The following CERK variants were observed in gnomAD, a reference collection of about 807,000 sequenced individuals.
CERK encodes the protein ceramide kinase.
CERK carries 39 observed loss-of-function variants against 63.4 expected under a neutral mutation model. That is an observed-to-expected ratio of 0.61 (90% CI 0.48 to 0.80). The LOEUF (loss-of-function observed/expected upper bound fraction) is 0.80. Among genes scored for constraint, CERK ranks in the 30% least tolerant of loss-of-function variants. CERK has a pLI of 0.00. For synonymous variants in CERK, 302 were observed against 280.0 expected (o/e 1.08, Z -0.78); for missense variants, 670 against 714.1 (o/e 0.94, Z 0.70).
intron 1 of CERK, among the ~76,000 whole-genome samples, chr22:46,733,039 T>A (rs1217746230): frequency 6.6e-6 from 1 of 151,506 alleles, no homozygotes; most frequent in African/African-American, 2.4e-5. Flanking sequence ...AAACCCCATC[T>A]CTTCTAAAAA....
rs1225669275 is a variant in CERK, at chr22:46,684,679, C to A, written c.*2455G>T. The A allele has an allele frequency of 6.6e-6, 1 of 151,890 alleles. No individual in the cohort carries two copies. The highest frequency in any genetic ancestry group is 1.5e-5 in the Non-Finnish European group (1 of 67,996). The allele number at this position is 151,890 out of a possible 1,614,324, so 9.4% of individuals were successfully genotyped here. A position where few individuals can be genotyped will look rare whatever the true frequency, so the allele number is the denominator to read the frequency against. ...GCTAAAACTAGCCTTTCTAAGTTAT[C>A]CTAAGTTTTTACTATCTAACCAGCA... On this transcript the variant is annotated 3_prime_UTR_variant, in exon 13 of 13. Transcript: ENST00000216264.
intron 6 of CERK, among the ~76,000 whole-genome samples, chr22:46,704,977 CAAATAAAGAGAGT>C (rs1379465184): frequency 6.6e-6 from 1 of 152,140 alleles, no homozygotes; most frequent in Non-Finnish European, 1.5e-5. Flanking sequence ...GAAAGAAATA[CAAATAAAGAGAGT>C]AAATAAAGAT....
At chr22:46,693,627 CA>C (rs1228689345) in intron 9 of CERK, 124 bp from the exon 10 acceptor site, 2 of 779,122 alleles carry the variant, frequency 2.6e-6, no homozygotes, top group Non-Finnish European at 4.3e-6. Context: ...AAAGGCTTAA[CA>C]AAATATTTTT....
At chr22:46,705,148 A>G (rs2082806958) in intron 6 of CERK, among the ~76,000 whole-genome samples, 1 of 152,238 alleles carries the variant, frequency 6.6e-6, no homozygotes, top group Non-Finnish European at 1.5e-5. Flanking sequence ...CAGAGACTCC[A>G]CGTCAAGGGA....
intron 5 of CERK, 108 bp downstream of exon 5, chr22:46,710,978 G>A (rs1416164971): frequency 2.5e-6 from 2 of 810,760 alleles, no homozygotes; most frequent in Non-Finnish European, 4.1e-6. Context: ...ATTGGTCGTG[G>A]GTGGAGGCGG....
At chr22:46,702,513 T>A (rs1034846849) in intron 6 of CERK, among the ~76,000 whole-genome samples, 2 of 152,130 alleles carry the variant, frequency 1.3e-5, no homozygotes, top group African/African-American at 4.8e-5. Flanking sequence ...GGCTGGTCTC[T>A]AACTGTTGAC....
intron 12 of CERK, among the ~76,000 whole-genome samples, chr22:46,688,066 G>A (rs571604399): frequency 3.9e-4 from 59 of 152,180 alleles, no homozygotes; most frequent in African/African-American, 9.9e-4. Context: ...GTGTGGTGGC[G>A]GGCGCCTGCT....
Position 46,687,070 on chromosome 22 carries a change from G to T in CERK, c.*64C>A. On this transcript the variant is annotated 3_prime_UTR_variant, in exon 13 of 13. Transcript: ENST00000216264. ...TTAAATGTATATATCAACATAATTG[G>T]TCTGTAATAATTATCTTAAATAGTT... The T allele has an allele frequency of 2.3e-6, 3 of 1,280,594 alleles. No homozygotes were observed. Among genetic ancestry groups the T allele is most frequent in the East Asian group, 2.3e-5 (1 of 42,688 alleles). 79.3% of individuals were successfully genotyped at this position (1,280,594 alleles called of 1,614,324 possible).
chr22:46,724,404 G>T (rs989095421), intron 1 of CERK, among the ~76,000 whole-genome samples: 5 of 152,194 alleles, frequency 3.3e-5, no homozygotes, highest in African/African-American at 1.2e-4. Context: ...GGGCTGGGGC[G>T]CTAACCCCCA....
intron 4 of CERK, among the ~76,000 whole-genome samples, chr22:46,711,699 G>C (rs74447886): frequency 0.021 from 3,197 of 152,232 alleles, 115 homozygotes; most frequent in African/African-American, 0.074. Context: ...TCTATGCTGA[G>C]AATTGGCTGG....
At chr22:46,717,209 G>A (rs2082870879) in intron 3 of CERK, among the ~76,000 whole-genome samples, 3 of 152,352 alleles carry the variant, frequency 2.0e-5, no homozygotes, top group African/African-American at 7.2e-5. Context: ...AGGGTGGAAT[G>A]CAGGCTGGCA....
chr22:46,731,751 TC>T (rs2082946397), intron 1 of CERK, among the ~76,000 whole-genome samples: 1 of 151,864 alleles, frequency 6.6e-6, no homozygotes, highest in Non-Finnish European at 1.5e-5. Flanking sequence ...CAGGGCCAGA[TC>T]GGGGGAGGTC....
intron 11 of CERK, among the ~76,000 whole-genome samples, chr22:46,690,838 C>A (rs2082726535): frequency 6.6e-6 from 1 of 152,136 alleles, no homozygotes; most frequent in African/African-American, 2.4e-5. Flanking sequence ...TACATCTTTA[C>A]TGTGTCGCTT....
rs2082699500 is a variant in CERK, at chr22:46,686,104, A to C, written c.*1030T>G. The C allele has an allele frequency of 6.6e-6, 1 of 152,206 alleles. No homozygotes were observed. The highest frequency in any genetic ancestry group is 6.5e-5 in the Admixed American group (1 of 15,270). The allele number at this position is 152,206 out of a possible 1,614,324, so 9.4% of individuals were successfully genotyped here. A position where few individuals can be genotyped will look rare whatever the true frequency, so the allele number is the denominator to read the frequency against. On this transcript the variant is annotated 3_prime_UTR_variant, in exon 13 of 13. Transcript: ENST00000216264. Reference sequence around the variant, plus strand: ...GAGCCCTCGCGCTGCAGAGGAAACCAGCGATCCATCGTGGCTTCGAGGCAA... The same window carrying C: ...GAGCCCTCGCGCTGCAGAGGAAACCCGCGATCCATCGTGGCTTCGAGGCAA...
chr22:46,693,177 C>G (rs1332280506), intron 10 of CERK, among the ~76,000 whole-genome samples: 1 of 152,164 alleles, frequency 6.6e-6, no homozygotes, highest in East Asian at 1.9e-4. Context: ...AGTCCAGACT[C>G]AGCACCACAA....
intron 8 of CERK, among the ~76,000 whole-genome samples, chr22:46,697,312 T>C (rs1034727203): frequency 1.3e-5 from 2 of 151,094 alleles, no homozygotes. Flanking sequence ...TTTCTTTTCT[T>C]TTTTTTTTGA....
chr22:46,695,984 C>T (rs1319967983), intron 8 of CERK, among the ~76,000 whole-genome samples: 4 of 152,168 alleles, frequency 2.6e-5, no homozygotes, highest in Non-Finnish European at 5.9e-5. Context: ...AGTCTCAGGG[C>T]GACTTCACTC....
At chr22:46,726,002 A>T (rs956273578) in intron 1 of CERK, among the ~76,000 whole-genome samples, 12 of 152,238 alleles carry the variant, frequency 7.9e-5, no homozygotes, top group African/African-American at 2.9e-4. Flanking sequence ...ATCAGCTTTG[A>T]TACTAGAAGT....
intron 1 of CERK, among the ~76,000 whole-genome samples, chr22:46,733,723 A>G (rs2082957688): frequency 6.6e-6 from 1 of 151,884 alleles, no homozygotes; most frequent in African/African-American, 2.4e-5. Context: ...CCATTCCAAT[A>G]TTATAAACTG....
Sources: allele counts gnomAD v4.1 joint callset (sites outside exome capture counted in the v4.1 genomes callset), GRCh38; gene constraint gnomAD v4.1.1; transcripts MANE v1.5; gene names NCBI Gene and HGNC (gene_info 2026-07-23, HGNC 2026-07-21).